The following CARD8 variants were observed in gnomAD, a reference collection of about 807,000 sequenced individuals.
CARD8 encodes caspase recruitment domain-containing protein 8.
CARD8 carries 38 observed loss-of-function variants against 53.2 expected under a neutral mutation model. The observed-to-expected ratio is 0.71, with a 90% CI of 0.55 to 0.94. The LOEUF (loss-of-function observed/expected upper bound fraction) is 0.94, where lower values mean the gene tolerates loss of function less well. CARD8 is among the 40% of genes least tolerant of loss of function. The pLI is 0.00. For missense variants in CARD8, 561 were observed against 655.5 expected (o/e 0.86, Z 1.57); for synonymous variants, 245 against 244.9 (o/e 1.00, Z 0.00).
intron 1 of CARD8, among the ~76,000 whole-genome samples, chr19:48,253,696 T>C (rs1191708268): frequency 6.6e-6 from 1 of 152,192 alleles, no homozygotes; most frequent in Non-Finnish European, 1.5e-5. Flanking sequence ...CTAAACAGCA[T>C]TACTAAGTAT....
chr19:48,246,688 T>C (rs1190765376), intron 3 of CARD8, among the ~76,000 whole-genome samples: 2 of 151,594 alleles, frequency 1.3e-5, no homozygotes, highest in East Asian at 1.9e-4. Context: ...AATGGAAAAA[T>C]AAATGGTTCC....
At chr19:48,247,320 T>C (rs926713497) in intron 3 of CARD8, among the ~76,000 whole-genome samples, 3 of 152,230 alleles carry the variant, frequency 2.0e-5, no homozygotes, top group African/African-American at 4.8e-5. Context: ...CAAGACTCCA[T>C]CTCAAAAATT....
At chr19:48,255,496 AAATT>A (rs1967073104) in intron 1 of CARD8, among the ~76,000 whole-genome samples, 1 of 152,218 alleles carries the variant, frequency 6.6e-6, no homozygotes, top group African/African-American at 2.4e-5. Flanking sequence ...ATTGGTATAA[AAATT>A]ATTATTACAG....
chr19:48,231,585 G>C, intron 8 of CARD8, 75 bp downstream of exon 8: 1 of 1,447,018 alleles, frequency 6.9e-7, no homozygotes, highest in Non-Finnish European at 9.3e-7. Context: ...TTACAGGCCT[G>C]AGCCACCACG....
downstream of CARD8, among the ~76,000 whole-genome samples, chr19:48,205,930 C>T (rs36069776): frequency 0.31 from 47,632 of 152,012 alleles, 7,821 homozygotes; most frequent in East Asian, 0.52. Flanking sequence ...CAGAGTCTCA[C>T]TCTGTCACCC....
intron 1 of CARD8, among the ~76,000 whole-genome samples, chr19:48,252,255 G>C (rs1438238154): frequency 6.6e-6 from 1 of 151,886 alleles, no homozygotes; most frequent in African/African-American, 2.4e-5. Context: ...TTGAATTAGG[G>C]CTAGTTTGAA....
chr19:48,223,868 T>C (rs544837059), intron 10 of CARD8: 8 of 456,162 alleles, frequency 1.8e-5, no homozygotes, highest in Admixed American at 7.0e-5. Context: ...TAAAATAGTG[T>C]CTGGAATATA....
chr19:48,233,398 C>G (rs1397772131), intron 6 of CARD8: 1 of 456,248 alleles, frequency 2.2e-6, no homozygotes, highest in South Asian at 1.5e-5. Context: ...TTAAAAAGAA[C>G]AGGTACCTAG....
chr19:48,245,627 T>C (rs930170240), intron 3 of CARD8, among the ~76,000 whole-genome samples: 1 of 151,422 alleles, frequency 6.6e-6, no homozygotes, highest in African/African-American at 2.4e-5. Flanking sequence ...AGAACTAAAC[T>C]ATACAAAAAA....
At chr19:48,217,812 G>A (rs1337042311) in intron 12 of CARD8, among the ~76,000 whole-genome samples, 2 of 152,176 alleles carry the variant, frequency 1.3e-5, no homozygotes, top group Non-Finnish European at 2.9e-5. Context: ...GGAGATCTTT[G>A]GCAAATTGTC....
At position 48,211,736 on chromosome 19, in the gene CARD8, A is replaced by G. The variant is rs1555794116; in HGVS notation, c.1588T>C (p.Ser530Pro). 1 of 1,614,132 alleles carries G rather than the reference A, an allele frequency of 6.2e-7. No homozygotes were observed. The highest frequency in any genetic ancestry group is 1.1e-5 in the South Asian group (1 of 91,078). ...TACAAATTCTGCTGTCTAAGATAGG[A>G]CACGAGGTAAGGGTCCCTTTCACTA... is the stretch of plus-strand genomic sequence containing the variant. ...SISERDPYLV[S>P]YLRQQNL Residue 530 changes from serine to proline, a missense_variant, in exon 14 of 14, where the codon TCC (serine) becomes CCC (proline). Ser to Pro is a moderately conservative substitution (Grantham distance 74). Coordinates refer to ENST00000651546, the MANE Select transcript of CARD8 (RefSeq NM_001184900.3).
At chr19:48,238,845 G>C (rs962316531) in intron 4 of CARD8, among the ~76,000 whole-genome samples, 1 of 152,132 alleles carries the variant, frequency 6.6e-6, no homozygotes. Flanking sequence ...CACCTTCTTC[G>C]ATGCCCATGC....
Position 48,211,457 on chromosome 19 carries a change from T to C in CARD8, c.*253A>G. On this transcript the variant is annotated 3_prime_UTR_variant, in exon 14 of 14. Transcript: ENST00000651546. The stretch of plus-strand genomic sequence containing the variant: ...AGAATCATGTCAATGGATAAAATAG[T>C]GATATATCAAGCAATGGTTGGAAAA... 2.3e-6 allele frequency: 1 copy of C among 435,098 alleles called. No individual in the cohort carries two copies. The highest frequency in any genetic ancestry group is 4.1e-6 in the Non-Finnish European group (1 of 241,400). The allele number at this position is 435,098 out of a possible 1,614,324, so 27.0% of individuals were successfully genotyped here. A position where few individuals can be genotyped will look rare whatever the true frequency, so the allele number is the denominator to read the frequency against.
intron 3 of CARD8, among the ~76,000 whole-genome samples, chr19:48,242,034 C>T (rs58249067): frequency 0.11 from 17,217 of 152,190 alleles, 1,152 homozygotes; most frequent in East Asian, 0.26. Flanking sequence ...ACGCATCCAC[C>T]TTCTGTCTCC....
intron 6 of CARD8, 54 bp from the exon 7 acceptor site, chr19:48,232,547 T>C: frequency 6.9e-7 from 1 of 1,438,906 alleles, no homozygotes; most frequent in South Asian, 1.2e-5. Context: ...AAGAATCAGT[T>C]GATGAAGATG....
intron 7 of CARD8, 24 bp from the exon 8 acceptor site, chr19:48,231,834 T>A (rs755753071): frequency 8.5e-5 from 137 of 1,611,670 alleles, no homozygotes; most frequent in Non-Finnish European, 1.0e-4. Flanking sequence ...ACTAGACATG[T>A]AAGAGGTAAA....
chr19:48,230,236 C>T (rs1306359185), intron 10 of CARD8, among the ~76,000 whole-genome samples: 3 of 152,182 alleles, frequency 2.0e-5, no homozygotes, highest in African/African-American at 7.2e-5. Flanking sequence ...TTCAGTAGCA[C>T]TGAATCACTA....
Position 48,215,342 on chromosome 19 carries a change from G to A in CARD8, c.1346C>T (p.Ser449Leu), listed in dbSNP as rs1454908680. The change falls in exon 13 of 14, where the codon TCA becomes TTA. Residue 449 changes from serine (S) to leucine (L), a missense_variant and splice_region_variant. Ser to Leu is a moderately radical substitution (Grantham distance 145, BLOSUM62 -2). Coordinates refer to ENST00000651546, the MANE Select transcript of CARD8 (RefSeq NM_001184900.3). ...TTTAATGTAAACATTTCACTTACCTGAGAAAGGAGGAGGGGCTGATGCAGC... is the reference window on the plus strand; with the variant it reads ...TTTAATGTAAACATTTCACTTACCTAAGAAAGGAGGAGGGGCTGATGCAGC... ...LVAASAPPPF[S>L]GAAFVKENHR... is the part of the protein sequence containing the mutation. 4 of 1,609,358 alleles carry A rather than the reference G, an allele frequency of 2.5e-6. No individual in the cohort carries two copies. Among genetic ancestry groups the A allele is most frequent in the Admixed American group, 1.7e-5 (1 of 59,984 alleles).
At chr19:48,232,283 A>T (rs2043048498) in intron 7 of CARD8, among the ~76,000 whole-genome samples, 170 bp downstream of exon 7, 1 of 152,224 alleles carries the variant, frequency 6.6e-6, no homozygotes, top group South Asian at 2.1e-4. Flanking sequence ...ATGCCCCAGC[A>T]GTGACAGGCT....
Sources: allele counts gnomAD v4.1 joint callset (sites outside exome capture counted in the v4.1 genomes callset), GRCh38; gene constraint gnomAD v4.1.1; transcripts MANE v1.5; gene names NCBI Gene and HGNC (gene_info 2026-07-23, HGNC 2026-07-21).